LEKR1: variants seen among roughly 807,000 people sequenced by gnomAD.
The protein encoded by LEKR1 is protein LEKR1.
A neutral mutation model predicts 72.4 loss-of-function variants in LEKR1; 59 were observed. The ratio of observed to expected loss-of-function variants is 0.82; its 90% CI spans 0.66 to 1.01. The LOEUF (loss-of-function observed/expected upper bound fraction) is 1.01. LEKR1 is among the 50% of genes least tolerant of loss of function. The pLI, the probability that LEKR1 is intolerant of heterozygous loss-of-function variation, is 0.00. For missense variants in LEKR1, 728 were observed against 759.2 expected, an observed-to-expected ratio of 0.96 and a Z score of 0.48; for synonymous variants, 257 against 263.2, an observed-to-expected ratio of 0.98 and a Z score of 0.23.
chr3:157,015,893 T>G (rs1480043956), intron 10 of LEKR1, among the ~76,000 whole-genome samples: 4 of 152,122 alleles, frequency 2.6e-5, no homozygotes, highest in Non-Finnish European at 5.9e-5. Context: ...TTACTGAGTT[T>G]TGACAGATGA....
intron 6 of LEKR1, among the ~76,000 whole-genome samples, chr3:156,946,988 G>T (rs1056555236): frequency 6.6e-6 from 1 of 151,050 alleles, no homozygotes; most frequent in Non-Finnish European, 1.5e-5. Context: ...ATGTCTGATT[G>T]TATTTATCTG....
At chr3:156,829,230 A>C (rs1712050333) in intron 1 of LEKR1, 56 bp from the exon 2 acceptor site, 1 of 683,950 alleles carries the variant, frequency 1.5e-6, no homozygotes, top group Admixed American at 2.5e-5. Flanking sequence ...AAAGCATCTT[A>C]ATTTGAATGT....
chr3:156,853,343 T>A (rs1054019015), intron 3 of LEKR1: 1 of 156,064 alleles, frequency 6.4e-6, no homozygotes, highest in Non-Finnish European at 1.4e-5. Context: ...TGGCTTTGGA[T>A]TTTTAGATTT....
chr3:156,830,938 G>C (rs1712297449), intron 2 of LEKR1, among the ~76,000 whole-genome samples: 1 of 152,100 alleles, frequency 6.6e-6, no homozygotes, highest in Admixed American at 6.6e-5. Flanking sequence ...AAGAAGAAAG[G>C]GGGTTTTTGG....
intron 9 of LEKR1, among the ~76,000 whole-genome samples, chr3:157,009,993 T>C (rs938953827): frequency 1.3e-5 from 2 of 152,086 alleles, no homozygotes; most frequent in Non-Finnish European, 2.9e-5. Context: ...CTGTTCATAA[T>C]ATTTATTATA....
At chr3:156,837,211 C>G (rs1023357490) in intron 2 of LEKR1, among the ~76,000 whole-genome samples, 8 of 152,284 alleles carry the variant, frequency 5.3e-5, no homozygotes, top group African/African-American at 1.7e-4. Context: ...ATATCTCCAT[C>G]GTCCCCAAGA....
intron 7 of LEKR1, among the ~76,000 whole-genome samples, chr3:156,982,210 A>G (rs1282971226): frequency 6.6e-6 from 1 of 152,210 alleles, no homozygotes; most frequent in Non-Finnish European, 1.5e-5. Context: ...TTTAGTTGAT[A>G]AGAGTCTCAG....
rs1309167793 is a variant in LEKR1 at position 156,889,645 on chromosome 3, T to G, written c.264-30930T>G. Among the ~76,000 whole-genome samples the G allele has an allele frequency of 2.0e-5, 3 of 152,300 alleles. No individual in the cohort carries two copies. The East Asian group carries it at 5.8e-4, about 29-fold the overall frequency. ...GAAGAGACTTAAAAAAAACATATAT[T>G]TGGGAATATGTGTAAAGTTAATCTC... On this transcript the variant is annotated intron_variant, in intron 3 of 12. Coordinates refer to ENST00000356539, the MANE Select transcript of LEKR1 (RefSeq NM_001004316.3).
chr3:156,952,184 G>T (rs1234188574), intron 6 of LEKR1, among the ~76,000 whole-genome samples: 1 of 151,364 alleles, frequency 6.6e-6, no homozygotes, highest in African/African-American at 2.4e-5. Context: ...ATATATCCTG[G>T]ATTTTCCTCT....
intron 12 of LEKR1, among the ~76,000 whole-genome samples, chr3:157,030,194 A>C (rs940487346): frequency 6.6e-6 from 1 of 152,118 alleles, no homozygotes; most frequent in Non-Finnish European, 1.5e-5. Context: ...TCTCGCATGA[A>C]CTAACACAGC....
intron 2 of LEKR1, among the ~76,000 whole-genome samples, chr3:156,837,727 A>G (rs1164293281): frequency 6.6e-6 from 1 of 152,194 alleles, no homozygotes; most frequent in African/African-American, 2.4e-5. Context: ...CCTTTTTCCC[A>G]TTAATCAGAC....
At chr3:156,932,491 T>C (rs1342313127) in intron 5 of LEKR1, among the ~76,000 whole-genome samples, 1 of 152,074 alleles carries the variant, frequency 6.6e-6, no homozygotes, top group Non-Finnish European at 1.5e-5. Flanking sequence ...GGCAAGTCAA[T>C]AGCTTGAGCT....
chr3:157,018,985 G>C (rs1232627202), intron 10 of LEKR1, among the ~76,000 whole-genome samples: 1 of 152,026 alleles, frequency 6.6e-6, no homozygotes, highest in East Asian at 1.9e-4. Flanking sequence ...ATTCTGTTTT[G>C]AATAATCATC....
chr3:157,045,642 C>T lies in LEKR1; in HGVS notation c.1971C>T (p.Gly657=), dbSNP rs1397592829. 3 of 1,613,978 alleles carry T rather than the reference C, an allele frequency of 1.9e-6. No homozygotes were observed. The African/African-American group carries it at 4.0e-5, about 22-fold the overall frequency. ...ATAAGCCGAAGAGGGTTAGATCAGG[C>T]GTGCCCATTCTCCCCCAGCCACATC... ...TSDKPKRVRS[G]VPILPQPHPP... The change falls in exon 13 of 13, where the codon GGC becomes GGT. Residue 657 remains glycine (G), a synonymous_variant. Coordinates refer to ENST00000356539, the MANE Select transcript of LEKR1 (RefSeq NM_001004316.3).
chr3:156,850,413 A>G (rs768780849), intron 2 of LEKR1, among the ~76,000 whole-genome samples: 1 of 152,142 alleles, frequency 6.6e-6, no homozygotes, highest in Non-Finnish European at 1.5e-5. Context: ...TTGGGCATGA[A>G]TTCCAAATGG....
intron 3 of LEKR1, among the ~76,000 whole-genome samples, chr3:156,876,911 G>A (rs1718665909): frequency 5.9e-5 from 9 of 151,978 alleles, no homozygotes; most frequent in Admixed American, 5.3e-4. Context: ...GTTCTCAAGG[G>A]TAATGTTTTC....
chr3:157,014,270 C>CA (rs1733133023), intron 10 of LEKR1, among the ~76,000 whole-genome samples: 8 of 152,036 alleles, frequency 5.3e-5, no homozygotes, highest in African/African-American at 1.9e-4. Flanking sequence ...CACTTAAGAA[C>CA]GTTTTAGAAT....
chr3:156,852,453 A>C (rs1715478049), intron 2 of LEKR1, among the ~76,000 whole-genome samples: 3 of 152,188 alleles, frequency 2.0e-5, no homozygotes, highest in African/African-American at 7.2e-5. Context: ...TTAAAACCGG[A>C]ATTATAAAGA....
At chr3:157,023,612 T>C (rs572681484) in intron 10 of LEKR1, among the ~76,000 whole-genome samples, 1 of 152,196 alleles carries the variant, frequency 6.6e-6, no homozygotes, top group East Asian at 1.9e-4. Context: ...CCTCCTTTAA[T>C]CCTCATAACA....
Sources: gnomAD v4.1 joint callset for allele counts (sites outside exome capture counted in the v4.1 genomes callset) on GRCh38, gnomAD v4.1.1 for gene constraint, MANE v1.5 for transcripts, NCBI Gene and HGNC (gene_info 2026-07-23, HGNC 2026-07-21) for gene names.